The following DNAJC1 variants were observed in gnomAD, a reference collection of about 807,000 sequenced individuals.
DNAJC1 encodes the protein dnaJ homolog subfamily C member 1.
In DNAJC1, 58 loss-of-function variants were observed where a neutral mutation model predicts 76.6. The ratio of observed to expected loss-of-function variants is 0.76; its 90% confidence interval spans 0.61 to 0.94. The LOEUF (loss-of-function observed/expected upper bound fraction) is 0.94, where lower values mean the gene tolerates loss of function less well. Ranked by LOEUF, DNAJC1 falls within the 40% of genes least tolerant of loss-of-function variation. The probability of loss-of-function intolerance (pLI) is 0.00; values close to 1 mark genes in which losing one functional copy is unlikely to be tolerated. For synonymous variants in DNAJC1, 258 were observed against 267.9 expected (o/e 0.96, Z 0.36); for missense variants, 689 against 677.3 (o/e 1.02, Z -0.19).
At chr10:21,948,849 T>A (rs1482946383) in intron 1 of DNAJC1, among the ~76,000 whole-genome samples, 1 of 152,182 alleles carries the variant, frequency 6.6e-6, no homozygotes, top group Non-Finnish European at 1.5e-5. Flanking sequence ...TACCTCTTTT[T>A]AAAAATGCTT....
intron 9 of DNAJC1, 38 bp from the exon 10 acceptor site, chr10:21,766,347 T>C (rs1442986541): frequency 6.5e-7 from 1 of 1,529,288 alleles, no homozygotes; most frequent in South Asian, 1.1e-5. Flanking sequence ...TTACTTTCCA[T>C]GTACCTACTA....
chr10:21,795,433 A>G (rs1834739969), intron 9 of DNAJC1, among the ~76,000 whole-genome samples: 1 of 152,180 alleles, frequency 6.6e-6, no homozygotes, highest in African/African-American at 2.4e-5. Context: ...TAATTTCCTG[A>G]AAAGAAAATA....
chr10:21,795,873 G>T (rs1834745579), intron 9 of DNAJC1, among the ~76,000 whole-genome samples: 1 of 151,844 alleles, frequency 6.6e-6, no homozygotes, highest in Admixed American at 6.6e-5. Flanking sequence ...CATAAAAATG[G>T]AATCATGTAG....
intron 7 of DNAJC1, among the ~76,000 whole-genome samples, chr10:21,903,731 C>G (rs951832997): frequency 6.6e-6 from 1 of 152,130 alleles, no homozygotes; most frequent in Non-Finnish European, 1.5e-5. Flanking sequence ...AATGACCACA[C>G]CCAAATCCCT....
chr10:21,856,078 G>C (rs1835828827), intron 8 of DNAJC1, among the ~76,000 whole-genome samples: 1 of 152,152 alleles, frequency 6.6e-6, no homozygotes, highest in African/African-American at 2.4e-5. Flanking sequence ...CTGAGGGATG[G>C]TTGAATTAGA....
intron 7 of DNAJC1, among the ~76,000 whole-genome samples, chr10:21,890,140 G>A (rs1189162848): frequency 6.7e-6 from 1 of 150,238 alleles, no homozygotes; most frequent in African/African-American, 2.5e-5. Context: ...GGGCTGGTGT[G>A]ATGGCTCACA....
intron 8 of DNAJC1, among the ~76,000 whole-genome samples, chr10:21,841,509 C>T (rs945252071): frequency 2.0e-5 from 3 of 152,242 alleles, no homozygotes; most frequent in East Asian, 1.9e-4. Context: ...AAAATGCTCA[C>T]CATCACTGGC....
At chr10:21,967,207 C>T (rs1158297192) in intron 1 of DNAJC1, among the ~76,000 whole-genome samples, 3 of 152,134 alleles carry the variant, frequency 2.0e-5, no homozygotes, top group Non-Finnish European at 2.9e-5. Context: ...CAGTCAATCC[C>T]GGTTCCAATA....
chr10:21,786,461 TATAG>T (rs1426195540), intron 9 of DNAJC1, among the ~76,000 whole-genome samples: 12 of 32,098 alleles, frequency 3.7e-4, no homozygotes, highest in East Asian at 2.7e-3. Flanking sequence ...TATATATATA[TATAG>T]AGAGAGAGAG....
intron 9 of DNAJC1, among the ~76,000 whole-genome samples, chr10:21,793,318 G>A (rs1005540242): frequency 3.3e-5 from 5 of 151,932 alleles, no homozygotes; most frequent in Admixed American, 1.3e-4. Context: ...TTGGGGGGCC[G>A]GGAAAGAAAA....
intron 1 of DNAJC1, among the ~76,000 whole-genome samples, chr10:21,994,588 A>C (rs1055512960): frequency 1.0e-3 from 152 of 152,248 alleles, no homozygotes; most frequent in Non-Finnish European, 1.7e-3. Context: ...GGAGATCAAG[A>C]CCATTCTGGC....
intron 6 of DNAJC1, among the ~76,000 whole-genome samples, chr10:21,908,112 AT>A (rs1401162158): frequency 3.7e-5 from 4 of 108,108 alleles, no homozygotes; most frequent in Admixed American, 1.4e-4. Context: ...AATATATAAA[AT>A]ATATATATAA....
At chr10:21,946,656 A>C (rs1191380266) in intron 1 of DNAJC1, among the ~76,000 whole-genome samples, 2 of 152,184 alleles carry the variant, frequency 1.3e-5, no homozygotes. Flanking sequence ...GGGCAATTTC[A>C]TTCCTAAGTA....
At chr10:21,870,581 C>G (rs568667151) in intron 8 of DNAJC1, among the ~76,000 whole-genome samples, 61 of 152,008 alleles carry the variant, frequency 4.0e-4, no homozygotes, top group African/African-American at 1.4e-3. Flanking sequence ...GGAGACGAGC[C>G]TAGGTAATGT....
At chr10:21,984,365 C>T (rs1213803506) in intron 1 of DNAJC1, among the ~76,000 whole-genome samples, 1 of 152,204 alleles carries the variant, frequency 6.6e-6, no homozygotes. Context: ...CAGGCCACTA[C>T]TATGTCTCTC....
intron 8 of DNAJC1, among the ~76,000 whole-genome samples, chr10:21,812,450 T>C (rs769293994): frequency 2.6e-5 from 4 of 152,202 alleles, no homozygotes; most frequent in African/African-American, 9.7e-5. Flanking sequence ...ATTTGTTAAT[T>C]GGTTGTCTTC....
intron 1 of DNAJC1, among the ~76,000 whole-genome samples, chr10:21,941,126 A>G (rs1031114740): frequency 6.7e-6 from 1 of 149,202 alleles, no homozygotes; most frequent in Admixed American, 6.7e-5. Context: ...AAAATTAGCC[A>G]GGCGTGGTGG....
chr10:21,837,558 C>T (rs957055570), intron 8 of DNAJC1, among the ~76,000 whole-genome samples: 50 of 151,950 alleles, frequency 3.3e-4, no homozygotes, highest in Admixed American at 6.5e-4. Flanking sequence ...CTCTGCCTGG[C>T]CGCGACCCCA....
intron 8 of DNAJC1, among the ~76,000 whole-genome samples, chr10:21,836,894 C>A (rs1048052830): frequency 5.9e-5 from 9 of 152,130 alleles, no homozygotes; most frequent in Non-Finnish European, 1.2e-4. Flanking sequence ...GCTCCCTCTC[C>A]CTCTCCCTCT....
Sources: gnomAD v4.1 joint callset for allele counts (sites outside exome capture counted in the v4.1 genomes callset) on GRCh38, gnomAD v4.1.1 for gene constraint, MANE v1.5 for transcripts, NCBI Gene and HGNC (gene_info 2026-07-23, HGNC 2026-07-21) for gene names.